Variants in CHST3 observed in about 807,000 individuals in gnomAD.
CHST3 encodes C6ST-1.
A neutral mutation model predicts 35.4 loss-of-function variants in CHST3; 20 were observed. The ratio of observed to expected loss-of-function variants is 0.57; its 90% CI spans 0.40 to 0.82. CHST3 has a LOEUF of 0.82. CHST3 is among the 40% of genes least tolerant of loss of function. The pLI is 0.00. For synonymous variants in CHST3, 334 were observed against 295.9 expected (o/e 1.13, Z -1.32); for missense variants, 693 against 670.1 (o/e 1.03, Z -0.38).
At chr10:71,982,070 C>CGTATGA in intron 1 of CHST3, among the ~76,000 whole-genome samples, 1 of 152,320 alleles carries the variant, frequency 6.6e-6, no homozygotes, top group Non-Finnish European at 1.5e-5. Context: ...CAGATGTCCA[C>CGTATGA]GTATGAGCCA....
rs1297993853 is a variant in CHST3, at chr10:72,008,130, A to G, written c.1099A>G (p.Met367Val). 6.5e-7 allele frequency: 1 copy of G among 1,548,060 alleles called. No individual in the cohort carries two copies. Among genetic ancestry groups the G allele is most frequent in the Non-Finnish European group, 8.7e-7 (1 of 1,146,202 alleles). The change falls in exon 3 of 3, where the codon ATG becomes GTG. Residue 367 changes from methionine to valine, a missense_variant. Coordinates refer to ENST00000373115, the MANE Select transcript of CHST3 (RefSeq NM_004273.5). The stretch of plus-strand genomic sequence containing the variant: ...GCCCGCCTGGCTGCGGGGCCGCTAC[A>G]TGCTGGTGCGCTACGAGGACGTGGC... ...RQPAWLRGRY[M>V]LVRYEDVARG...
intron 1 of CHST3, among the ~76,000 whole-genome samples, chr10:72,003,219 G>T (rs909398742): frequency 3.9e-5 from 6 of 152,212 alleles, no homozygotes; most frequent in African/African-American, 1.4e-4. Flanking sequence ...CATATCATTG[G>T]TTGGCCCTCC....
At chr10:72,000,904 C>T (rs1050573826) in intron 1 of CHST3, among the ~76,000 whole-genome samples, 12 of 151,112 alleles carry the variant, frequency 7.9e-5, no homozygotes, top group African/African-American at 2.0e-4. Context: ...TGGGCCTCAG[C>T]GGGGAGGGAG....
intron 1 of CHST3, among the ~76,000 whole-genome samples, chr10:71,997,367 G>A (rs1839951153): frequency 6.6e-6 from 1 of 152,112 alleles, no homozygotes; most frequent in South Asian, 2.1e-4. Flanking sequence ...GCATCCGTGT[G>A]GAAGAGGTGC....
chr10:71,972,986 CCT>C (rs1839710391), intron 1 of CHST3, among the ~76,000 whole-genome samples: 1 of 152,232 alleles, frequency 6.6e-6, no homozygotes, highest in Non-Finnish European at 1.5e-5. Flanking sequence ...CAGCTGTCTG[CCT>C]TGTCCATCCT....
At chr10:71,999,386 G>A (rs1880685) in intron 1 of CHST3, among the ~76,000 whole-genome samples, 17,414 of 152,234 alleles carry the variant, frequency 0.11, 3,003 homozygotes, top group African/African-American at 0.37. Flanking sequence ...GAGCTTTCCC[G>A]CAGTGGGTTT....
rs1839949347 is a variant in CHST3 at position 71,997,142 on chromosome 10, C to T, written c.-107-8594C>T. On this transcript the variant is annotated intron_variant, in intron 1 of 2. Transcript: ENST00000373115. ...ACATTCACACTGTTGGGTAACCCTC[C>T]CCACTCTTCCACTGCAGAACCCCTT... 2.0e-5 allele frequency among the ~76,000 whole-genome samples: 3 copies of T among 152,210 alleles called. No individual in the cohort carries two copies. In the South Asian group the frequency reaches 6.2e-4, roughly 32 times the overall value.
intron 2 of CHST3, 43 bp downstream of exon 2, chr10:72,006,025 G>C: frequency 6.5e-7 from 1 of 1,533,928 alleles, no homozygotes; most frequent in Non-Finnish European, 9.0e-7. Context: ...TTTCAAGGTG[G>C]GGTGGGTGGG....
At chr10:71,972,842 T>C (rs1839708661) in intron 1 of CHST3, among the ~76,000 whole-genome samples, 1 of 152,158 alleles carries the variant, frequency 6.6e-6, no homozygotes, top group Non-Finnish European at 1.5e-5. Context: ...TGCCACCTTC[T>C]CCTGGAAGCC....
At chr10:71,969,515 G>A (rs183092698) in intron 1 of CHST3, among the ~76,000 whole-genome samples, 5 of 152,334 alleles carry the variant, frequency 3.3e-5, no homozygotes, top group East Asian at 1.9e-4. Context: ...TTCAAAGGAC[G>A]CAAAGAGCAT....
chr10:71,964,922 T>A (rs982738845), intron 1 of CHST3, among the ~76,000 whole-genome samples: 30 of 152,248 alleles, frequency 2.0e-4, no homozygotes, highest in Non-Finnish European at 3.8e-4. Flanking sequence ...TCATCGCCAC[T>A]CATACCCCGC....
At chr10:72,001,980 G>C (rs1297677943) in intron 1 of CHST3, among the ~76,000 whole-genome samples, 3 of 152,170 alleles carry the variant, frequency 2.0e-5, no homozygotes, top group Non-Finnish European at 4.4e-5. Context: ...GTTCTGCGTG[G>C]GGCTTTGCTG....
chr10:72,000,336 C>T (rs1839981184), intron 1 of CHST3, among the ~76,000 whole-genome samples: 1 of 152,180 alleles, frequency 6.6e-6, no homozygotes, highest in African/African-American at 2.4e-5. Flanking sequence ...TGAAGCTCTC[C>T]TCTCCCGGAG....
At chr10:71,982,394 C>A (rs1488505990) in intron 1 of CHST3, among the ~76,000 whole-genome samples, 1 of 152,210 alleles carries the variant, frequency 6.6e-6, no homozygotes, top group Non-Finnish European at 1.5e-5. Flanking sequence ...GGCCTTTTGG[C>A]ACCTTCATGT....
intron 1 of CHST3, among the ~76,000 whole-genome samples, chr10:71,999,094 G>T (rs913728922): frequency 7.9e-5 from 12 of 152,250 alleles, no homozygotes; most frequent in African/African-American, 2.7e-4. Flanking sequence ...GTCCCCAAGT[G>T]AAACGGAATC....
At chr10:72,007,132 C>G in intron 2 of CHST3, 40 bp from the exon 3 acceptor site, 3 of 1,608,378 alleles carry the variant, frequency 1.9e-6, no homozygotes, top group African/African-American at 1.3e-5. Context: ...AGACGGGGTC[C>G]CCAGTCAGCC....
rs547001828 is a variant in CHST3, at chr10:72,008,213, C to A, written c.1182C>A (p.Thr394=). The change falls in exon 3 of 3, where the codon ACC becomes ACA. Residue 394 remains threonine, a synonymous_variant. Coordinates refer to ENST00000373115, the MANE Select transcript of CHST3 (RefSeq NM_004273.5). ...ACCGCTTCGCCGGCATCCCCCTGAC[C>A]CCGCAGGTGGAAGACTGGATCCAAA... ...EMYRFAGIPL[T]PQVEDWIQKN... 2 of 1,554,284 alleles carry A rather than the reference C, an allele frequency of 1.3e-6. No individual in the cohort carries two copies. Among genetic ancestry groups the A allele is most frequent in the South Asian group, 1.2e-5 (1 of 84,302 alleles).
intron 1 of CHST3, among the ~76,000 whole-genome samples, chr10:71,968,395 C>T (rs1035020647): frequency 9.2e-5 from 14 of 152,140 alleles, no homozygotes; most frequent in South Asian, 2.1e-4. Flanking sequence ...AGACTTTTGT[C>T]GGATGCATAG....
intron 1 of CHST3, among the ~76,000 whole-genome samples, chr10:72,003,451 G>A (rs568943803): frequency 1.3e-5 from 2 of 152,274 alleles, no homozygotes; most frequent in South Asian, 4.1e-4. Flanking sequence ...TGTAATCCCA[G>A]CACTTTGGGA....
Sources: gnomAD v4.1 joint callset for allele counts (sites outside exome capture counted in the v4.1 genomes callset) on GRCh38, gnomAD v4.1.1 for gene constraint, MANE v1.5 for transcripts, NCBI Gene and HGNC (gene_info 2026-07-23, HGNC 2026-07-21) for gene names.